CLSTN2: variants seen among roughly 807,000 people sequenced by gnomAD.
CLSTN2 encodes the protein calsyntenin 2.
In CLSTN2, 48 loss-of-function variants were observed where a neutral mutation model predicts 101.2. That is an observed-to-expected ratio of 0.47 (90% CI 0.38 to 0.60). The LOEUF (loss-of-function observed/expected upper bound fraction) is 0.60. CLSTN2 is among the 20% of genes least tolerant of loss of function. The pLI is 0.00. For synonymous variants in CLSTN2, 481 were observed against 463.6 expected (o/e 1.04, Z -0.48); for missense variants, 1,160 against 1,238.2 (o/e 0.94, Z 0.95).
chr3:140,529,649 T>C (rs769156242), intron 8 of CLSTN2, among the ~76,000 whole-genome samples: 2 of 152,178 alleles, frequency 1.3e-5, no homozygotes, highest in African/African-American at 2.4e-5. Context: ...ATTAGGCATT[T>C]CCTTTAGCTG....
chr3:140,502,305 G>A (rs943855490), intron 8 of CLSTN2, among the ~76,000 whole-genome samples: 1 of 152,202 alleles, frequency 6.6e-6, no homozygotes, highest in African/African-American at 2.4e-5. Context: ...ACACAGGCTT[G>A]TGGGGCTGAG....
At chr3:140,287,840 A>T (rs2086909802) in intron 2 of CLSTN2, among the ~76,000 whole-genome samples, 1 of 152,158 alleles carries the variant, frequency 6.6e-6, no homozygotes, top group Non-Finnish European at 1.5e-5. Flanking sequence ...CAAATCATTG[A>T]GCCATTTATT....
intron 2 of CLSTN2, among the ~76,000 whole-genome samples, chr3:140,366,526 G>C (rs2087791153): frequency 6.6e-6 from 1 of 152,208 alleles, no homozygotes; most frequent in South Asian, 2.1e-4. Flanking sequence ...GCCTGAGGAG[G>C]ACCCGCTTGT....
At chr3:140,349,888 G>A (rs890316967) in intron 2 of CLSTN2, among the ~76,000 whole-genome samples, 1 of 152,140 alleles carries the variant, frequency 6.6e-6, no homozygotes, top group Admixed American at 6.5e-5. Flanking sequence ...CTTCATAACA[G>A]AAGACAACAT....
chr3:139,968,161 T>C lies in CLSTN2; in HGVS notation c.109+32678T>C, dbSNP rs538615479. On this transcript the variant is annotated intron_variant, in intron 1 of 16. Coordinates refer to ENST00000458420, the MANE Select transcript of CLSTN2 (RefSeq NM_022131.3). ...ACACATAAAGTGTCCTTCTAGAATT[T>C]ATCACTCACATTAGAGGCCACAGAA... 1.1e-4 allele frequency among the ~76,000 whole-genome samples: 17 copies of C among 152,324 alleles called. No individual in the cohort carries two copies. The South Asian group carries it at 3.5e-3, about 32-fold the overall frequency.
intron 2 of CLSTN2, among the ~76,000 whole-genome samples, chr3:140,223,408 C>T (rs557034596): frequency 1.3e-5 from 2 of 152,306 alleles, no homozygotes; most frequent in African/African-American, 4.8e-5. Context: ...CTGGACCAGC[C>T]CCTTGTGAGG....
intron 1 of CLSTN2, among the ~76,000 whole-genome samples, chr3:139,948,721 T>G (rs1421104698): frequency 2.0e-5 from 3 of 151,960 alleles, no homozygotes; most frequent in Admixed American, 2.0e-4. Context: ...TTTCATCCAG[T>G]TCTACACAGC....
At chr3:140,200,095 G>T (rs567812617) in intron 2 of CLSTN2, among the ~76,000 whole-genome samples, 2 of 152,202 alleles carry the variant, frequency 1.3e-5, no homozygotes, top group South Asian at 4.2e-4. Flanking sequence ...TGTATTCTAC[G>T]TCTCCCCTTA....
At chr3:140,033,424 A>G (rs1253673601) in intron 1 of CLSTN2, among the ~76,000 whole-genome samples, 3 of 152,240 alleles carry the variant, frequency 2.0e-5, no homozygotes, top group Non-Finnish European at 4.4e-5. Flanking sequence ...AGTGCCAGGC[A>G]TGATTCTTTG....
chr3:140,355,081 A>T (rs1466281154), intron 2 of CLSTN2, among the ~76,000 whole-genome samples: 1 of 152,198 alleles, frequency 6.6e-6, no homozygotes. Flanking sequence ...CCCAGCTCTC[A>T]CTGTGTTATC....
At chr3:140,189,135 A>G (rs2010524411) in intron 2 of CLSTN2, among the ~76,000 whole-genome samples, 1 of 152,206 alleles carries the variant, frequency 6.6e-6, no homozygotes, top group Admixed American at 6.5e-5. Flanking sequence ...GTGGTAGTCC[A>G]TGGTATGGAT....
chr3:140,364,904 G>C (rs2087769507), intron 2 of CLSTN2, among the ~76,000 whole-genome samples: 1 of 152,214 alleles, frequency 6.6e-6, no homozygotes, highest in African/African-American at 2.4e-5. Context: ...ACAGGTTCCT[G>C]TTCTTACAGA....
At chr3:139,957,614 T>C (rs1047333283) in intron 1 of CLSTN2, among the ~76,000 whole-genome samples, 6 of 152,148 alleles carry the variant, frequency 3.9e-5, no homozygotes, top group Non-Finnish European at 2.9e-5. Context: ...ATTGACTGGC[T>C]GAATAGACAA....
chr3:139,983,075 A>C (rs1284946572), intron 1 of CLSTN2, among the ~76,000 whole-genome samples: 2 of 152,074 alleles, frequency 1.3e-5, no homozygotes, highest in African/African-American at 4.8e-5. Flanking sequence ...AAAAGCAACA[A>C]ATAAAAACGT....
At chr3:140,143,926 G>A (rs2009741305) in intron 1 of CLSTN2, among the ~76,000 whole-genome samples, 2 of 152,210 alleles carry the variant, frequency 1.3e-5, no homozygotes, top group South Asian at 4.1e-4. Flanking sequence ...ACTAAACACT[G>A]TTAAGGCAAA....
At chr3:140,259,372 G>A (rs1246247160) in intron 2 of CLSTN2, among the ~76,000 whole-genome samples, 2 of 152,054 alleles carry the variant, frequency 1.3e-5, no homozygotes, top group Non-Finnish European at 2.9e-5. Context: ...TACTCAGGAG[G>A]CTAAGGCAGG....
intron 2 of CLSTN2, among the ~76,000 whole-genome samples, chr3:140,391,719 C>T (rs1432738363): frequency 6.6e-6 from 1 of 151,604 alleles, no homozygotes; most frequent in Non-Finnish European, 1.5e-5. Context: ...GAACTAGAAC[C>T]CTATTGCCAA....
In CLSTN2 at chr3:140,230,048, G is replaced by A. The variant is rs868581493; in HGVS notation, c.232+53975G>A. 7.2e-5 allele frequency among the ~76,000 whole-genome samples: 11 copies of A among 152,142 alleles called. No individual in the cohort carries two copies. In the South Asian group the frequency reaches 1.2e-3, roughly 17 times the overall value. On this transcript the variant is annotated intron_variant, in intron 2 of 16. Transcript: ENST00000458420. ...TCTAGTAGCCTGTGAGCTGCTTGAG[G>A]TATCTTTCTGATTCATCCCCTCACC...
chr3:140,127,778 A>G (rs1251650489), intron 1 of CLSTN2, among the ~76,000 whole-genome samples: 1 of 152,126 alleles, frequency 6.6e-6, no homozygotes, highest in East Asian at 1.9e-4. Flanking sequence ...ACCAGTTAAT[A>G]TATATAAAGC....
Sources: allele counts gnomAD v4.1 joint callset (sites outside exome capture counted in the v4.1 genomes callset), GRCh38; gene constraint gnomAD v4.1.1; transcripts MANE v1.5; gene names NCBI Gene and HGNC (gene_info 2026-07-23, HGNC 2026-07-21).